Variants in CRB1 observed in about 807,000 individuals in gnomAD.
The protein encoded by CRB1 is protein crumbs homolog 1.
In CRB1, 83 loss-of-function variants were observed where a neutral mutation model predicts 120.0. The ratio of observed to expected loss-of-function variants is 0.69; its 90% CI spans 0.58 to 0.83. The LOEUF (loss-of-function observed/expected upper bound fraction) is 0.83. Ranked by LOEUF, CRB1 falls within the 40% of genes least tolerant of loss-of-function variation. The probability of loss-of-function intolerance (pLI) is 0.00; values close to 1 mark genes in which losing one functional copy is unlikely to be tolerated. For synonymous variants in CRB1, 625 were observed against 612.5 expected (o/e 1.02, Z -0.30); for missense variants, 1,699 against 1,687.6 (o/e 1.01, Z -0.12).
rs183951298 is a variant in CRB1, at chr1:197,449,350, A to G, written c.4005+7058A>G. On this transcript the variant is annotated intron_variant, in intron 11 of 11. Coordinates refer to ENST00000367400, the MANE Select transcript of CRB1 (RefSeq NM_201253.3). ...TGAATTCTTTTATGTTTTTCAGAAAAATATTATTATTATTTTATTTTATTT... is the reference window on the plus strand; with the variant it reads ...TGAATTCTTTTATGTTTTTCAGAAAGATATTATTATTATTTTATTTTATTT... Among the ~76,000 whole-genome samples the G allele has an allele frequency of 2.1e-3, 315 of 152,030 alleles. 1 individual carries two copies. The highest frequency in any genetic ancestry group is 7.4e-3 in the African/African-American group (308 of 41,520).
chr1:197,293,303 C>T (rs576900563), intron 1 of CRB1, among the ~76,000 whole-genome samples: 24 of 152,120 alleles, frequency 1.6e-4, no homozygotes, highest in African/African-American at 5.8e-4. Flanking sequence ...GAGTGAACTC[C>T]CATTCACAAT....
At chr1:197,416,940 C>T (rs1001559272) in intron 5 of CRB1, among the ~76,000 whole-genome samples, 4 of 152,180 alleles carry the variant, frequency 2.6e-5, no homozygotes, top group Non-Finnish European at 5.9e-5. Flanking sequence ...AAACTCCTGA[C>T]CTCATGATCC....
the CRB1 span, among the ~76,000 whole-genome samples, chr1:197,203,436 C>T: frequency 2.0e-5 from 3 of 152,268 alleles, no homozygotes; most frequent in African/African-American, 7.2e-5. Context: ...TCTCCTGCCT[C>T]AGCCTCAGCC....
chr1:197,417,171 A>G (rs1017114435), intron 5 of CRB1, among the ~76,000 whole-genome samples: 1 of 152,202 alleles, frequency 6.6e-6, no homozygotes. Flanking sequence ...CAGAGTGACC[A>G]TAGCTTCCAG....
chr1:197,327,770 C>T (rs959430192), intron 1 of CRB1, among the ~76,000 whole-genome samples: 8 of 152,160 alleles, frequency 5.3e-5, no homozygotes, highest in African/African-American at 1.9e-4. Context: ...GGAGGTGTCT[C>T]TAGGGGAGGC....
At chr1:197,258,539 T>C in the CRB1 span, among the ~76,000 whole-genome samples, 1 of 152,200 alleles carries the variant, frequency 6.6e-6, no homozygotes, top group African/African-American at 2.4e-5. Context: ...TTGGTCCTTA[T>C]CAGACTTCAC....
intron 1 of CRB1, among the ~76,000 whole-genome samples, chr1:197,304,840 G>A (rs1657072568): frequency 6.6e-6 from 1 of 152,198 alleles, no homozygotes; most frequent in South Asian, 2.1e-4. Context: ...ATTCACCAGT[G>A]TTCATTCACT....
chr1:197,311,698 A>AGTGTGTGTGT lies in CRB1; in HGVS notation c.71-16685_71-16676dup, dbSNP rs57455433. Among the ~76,000 whole-genome samples the AGTGTGTGTGT allele has an allele frequency of 1.1e-3, 155 of 138,978 alleles. 2 individuals are homozygous for AGTGTGTGTGT. The highest frequency in any genetic ancestry group is 1.4e-3 in the African/African-American group (54 of 37,940). 91.2% of individuals were successfully genotyped at this position (138,978 alleles called of 152,430 possible). On this transcript the variant is annotated intron_variant, in intron 1 of 11. Coordinates refer to ENST00000367400, the MANE Select transcript of CRB1 (RefSeq NM_201253.3). ...AACACATGCATCACCTCATATAGTT[A>AGTGTGTGTGT]GTGTGTGTGTGTGTGTGTGTGTGTG...
At chr1:197,314,378 T>C (rs1177677770) in intron 1 of CRB1, among the ~76,000 whole-genome samples, 1 of 152,230 alleles carries the variant, frequency 6.6e-6, no homozygotes, top group Admixed American at 6.5e-5. Flanking sequence ...GTCCTTCTTA[T>C]AGTTTTCATT....
At position 197,336,541 on chromosome 1, in the gene CRB1, A is replaced by G. The variant is rs1571861397; in HGVS notation, c.652+7538A>G. 5.3e-5 allele frequency among the ~76,000 whole-genome samples: 8 copies of G among 152,330 alleles called. 1 individual carries two copies. Among genetic ancestry groups the G allele is most frequent in the Admixed American group, 4.6e-4 (7 of 15,304 alleles). On this transcript the variant is annotated intron_variant, in intron 2 of 11. Transcript: ENST00000367400. ...TATAAAGAAAATTAAACACTTGTTC[A>G]GGCTTTTGCTCAGAACTAGAGTCAT...
intron 11 of CRB1, among the ~76,000 whole-genome samples, chr1:197,477,347 A>G (rs947179087): frequency 1.3e-5 from 2 of 152,212 alleles, no homozygotes; most frequent in Non-Finnish European, 2.9e-5. Flanking sequence ...CATTTTATAA[A>G]TATAAGTGTG....
chr1:197,344,530 A>G (rs1659660066), intron 3 of CRB1, 54 bp downstream of exon 3: 5 of 1,525,072 alleles, frequency 3.3e-6, no homozygotes, highest in Non-Finnish European at 4.5e-6. Context: ...ACCATGAACT[A>G]TTTTACCACT....
intron 1 of CRB1, among the ~76,000 whole-genome samples, chr1:197,288,553 T>C (rs186165632): frequency 2.6e-5 from 4 of 151,728 alleles, no homozygotes; most frequent in Non-Finnish European, 4.4e-5. Flanking sequence ...GATCCAGATG[T>C]TAGAATTACC....
intron 11 of CRB1, among the ~76,000 whole-genome samples, chr1:197,450,784 CAAAAAAA>C (rs71131758): frequency 3.2e-4 from 19 of 59,614 alleles, no homozygotes; most frequent in African/African-American, 1.1e-3. Flanking sequence ...ACTAAAAATA[CAAAAAAA>C]AAAAAAAAAA....
the CRB1 span, among the ~76,000 whole-genome samples, chr1:197,208,881 C>A: frequency 3.6e-4 from 55 of 152,110 alleles, no homozygotes; most frequent in Admixed American, 9.8e-4. Flanking sequence ...TGAGCTCAGA[C>A]TCTCCTTGGT....
chr1:197,429,192 T>G (rs1355124453), intron 7 of CRB1: 1 of 1,513,298 alleles, frequency 6.6e-7, no homozygotes, highest in Non-Finnish European at 8.8e-7. Flanking sequence ...ACTGCTATAC[T>G]TGAAAAACCC....
At chr1:197,333,348 A>G (rs1467895102) in intron 2 of CRB1, among the ~76,000 whole-genome samples, 1 of 152,232 alleles carries the variant, frequency 6.6e-6, no homozygotes, top group Non-Finnish European at 1.5e-5. Context: ...GCTGAAAGTA[A>G]GTGGATGCAA....
At chr1:197,292,785 T>C (rs1330691225) in intron 1 of CRB1, among the ~76,000 whole-genome samples, 1 of 152,030 alleles carries the variant, frequency 6.6e-6, no homozygotes, top group Non-Finnish European at 1.5e-5. Flanking sequence ...TAATCCAGCA[T>C]ATAAACAGAA....
intron 1 of CRB1, among the ~76,000 whole-genome samples, chr1:197,274,441 A>C (rs528149): frequency 0.96 from 146,203 of 152,224 alleles, 70,260 homozygotes; most frequent in East Asian, 1. Context: ...GAATTACTTC[A>C]TGGGATTTCT....
Sources: gnomAD v4.1 joint callset for allele counts (sites outside exome capture counted in the v4.1 genomes callset) on GRCh38, gnomAD v4.1.1 for gene constraint, MANE v1.5 for transcripts, NCBI Gene and HGNC (gene_info 2026-07-23, HGNC 2026-07-21) for gene names.